KATNIP: variants seen among roughly 807,000 people sequenced by gnomAD.
KATNIP encodes katanin-interacting protein.
A neutral mutation model predicts 174.0 loss-of-function variants in KATNIP; 126 were observed. The ratio of observed to expected loss-of-function variants is 0.72; its 90% CI spans 0.63 to 0.84. The LOEUF is 0.84. Ranked by LOEUF, KATNIP falls within the 40% of genes least tolerant of loss-of-function variation. KATNIP has a pLI of 0.00. For missense variants in KATNIP, 1,958 were observed against 2,109.7 expected (o/e 0.93, Z 1.41); for synonymous variants, 810 against 835.7 (o/e 0.97, Z 0.53).
At chr16:27,598,048 C>T (rs113243136) in intron 2 of KATNIP, among the ~76,000 whole-genome samples, 2 of 152,158 alleles carry the variant, frequency 1.3e-5, no homozygotes, top group South Asian at 2.1e-4. Context: ...GGCAACATGA[C>T]GAAAGCCCGT....
intron 12 of KATNIP, among the ~76,000 whole-genome samples, chr16:27,707,488 C>A (rs1174636585): frequency 6.6e-6 from 1 of 152,264 alleles, no homozygotes; most frequent in East Asian, 1.9e-4. Context: ...CATGATAGGG[C>A]CTTCTTAGGT....
At chr16:27,709,036 T>TG in intron 13 of KATNIP, 116 bp downstream of exon 13, 1 of 809,004 alleles carries the variant, frequency 1.2e-6, no homozygotes, top group Middle Eastern at 3.7e-4. Flanking sequence ...CAACAAAATC[T>TG]GGCCAGGTAC....
chr16:27,709,788 C>T (rs1426558750), intron 13 of KATNIP, among the ~76,000 whole-genome samples: 1 of 152,146 alleles, frequency 6.6e-6, no homozygotes, highest in Non-Finnish European at 1.5e-5. Flanking sequence ...CTTGGGGGAG[C>T]CAATTCACCT....
At chr16:27,556,215 G>A (rs1182294135) in intron 1 of KATNIP, among the ~76,000 whole-genome samples, 1 of 152,136 alleles carries the variant, frequency 6.6e-6, no homozygotes, top group African/African-American at 2.4e-5. Context: ...ACAGAAGAGG[G>A]AAGCGTGCTG....
rs1205070778 is a variant in KATNIP, at chr16:27,702,530, G to A, written c.1286+835G>A. 2.0e-5 allele frequency among the ~76,000 whole-genome samples: 3 copies of A among 152,206 alleles called. No individual in the cohort carries two copies. In the East Asian group the frequency reaches 5.8e-4, roughly 29 times the overall value. On this transcript the variant is annotated intron_variant, in intron 11 of 27. Coordinates refer to ENST00000261588, the MANE Select transcript of KATNIP (RefSeq NM_015202.5). ...ACACAGACACACTCTGAGGGCCACTGCACAGCTGTGCATGTTGTGCACTGT... is the reference window on the plus strand; with the variant it reads ...ACACAGACACACTCTGAGGGCCACTACACAGCTGTGCATGTTGTGCACTGT...
intron 3 of KATNIP, among the ~76,000 whole-genome samples, chr16:27,623,536 T>C (rs1054507017): frequency 5.3e-5 from 8 of 152,166 alleles, no homozygotes; most frequent in African/African-American, 1.9e-4. Flanking sequence ...CATAGCTCAC[T>C]GCACTCTCCA....
intron 8 of KATNIP, among the ~76,000 whole-genome samples, chr16:27,694,773 A>G (rs972521295): frequency 6.6e-5 from 10 of 151,436 alleles, no homozygotes; most frequent in Non-Finnish European, 1.5e-5. Context: ...TCCAGCCTGG[A>G]CAAGGGAGAC....
At position 27,721,702 on chromosome 16, in the gene KATNIP, A is replaced by C. The variant is rs1261252886; in HGVS notation, c.1743+7A>C. On this transcript the variant is annotated splice_region_variant and intron_variant, in intron 14 of 27. Transcript: ENST00000261588. ...TTACTGGACAGCTGATGGCGTAAGT[A>C]ACAGGCGCTGGTTCCCCACTGGGCA... The C allele has an allele frequency of 1.2e-6, 2 of 1,613,280 alleles. No homozygotes were observed. The highest frequency in any genetic ancestry group is 1.7e-6 in the Non-Finnish European group (2 of 1,179,690).
At chr16:27,633,019 G>A (rs1224869216) in intron 5 of KATNIP, among the ~76,000 whole-genome samples, 2 of 152,044 alleles carry the variant, frequency 1.3e-5, no homozygotes, top group Non-Finnish European at 2.9e-5. Context: ...CAAAGTGCTG[G>A]GATTACAGGC....
Position 27,740,909 on chromosome 16 carries a change from C to T in KATNIP, c.2612C>T (p.Pro871Leu). 6.3e-7 allele frequency: 1 copy of T among 1,594,364 alleles called. No individual in the cohort carries two copies. Among genetic ancestry groups the T allele is most frequent in the South Asian group, 1.1e-5 (1 of 87,962 alleles). The change falls in exon 15 of 28, where the codon CCA becomes CTA. Residue 871 changes from proline to leucine, a missense_variant. Physicochemically the swap from Pro to Leu is moderately conservative, Grantham distance 98 (BLOSUM62 -3). This residue lies in a region of KATNIP where 1,557 missense variants were observed against 1,617.8 expected (regional missense o/e 0.96). Coordinates refer to ENST00000261588, the MANE Select transcript of KATNIP (RefSeq NM_015202.5). Reference protein sequence around the residue: ...AGSSSHGDDQPASREDTWSSR... With the variant: ...AGSSSHGDDQLASREDTWSSR... The stretch of plus-strand genomic sequence containing the variant: ...AGCAGTAGTCATGGGGACGACCAGC[C>T]AGCCAGCAGAGGTAAGCTCCAAAGA...
At chr16:27,696,110 A>G (rs749309981) in intron 8 of KATNIP, among the ~76,000 whole-genome samples, 1 of 152,178 alleles carries the variant, frequency 6.6e-6, no homozygotes, top group Non-Finnish European at 1.5e-5. Context: ...CCATCTTTCC[A>G]TTCATGGGAA....
At chr16:27,732,881 G>A (rs147447079) in intron 14 of KATNIP, among the ~76,000 whole-genome samples, 58 of 152,354 alleles carry the variant, frequency 3.8e-4, no homozygotes, top group African/African-American at 1.3e-3. Context: ...GCTCTGCAGA[G>A]GTGCCAGTAA....
intron 19 of KATNIP, among the ~76,000 whole-genome samples, chr16:27,764,340 G>A (rs1166611361): frequency 6.6e-6 from 1 of 152,206 alleles, no homozygotes; most frequent in Non-Finnish European, 1.5e-5. Context: ...ATACAGTACT[G>A]CATTTGAAGA....
intron 1 of KATNIP, among the ~76,000 whole-genome samples, chr16:27,561,629 T>C (rs749017648): frequency 2.6e-5 from 4 of 152,188 alleles, no homozygotes; most frequent in Non-Finnish European, 4.4e-5. Context: ...GCTACAGATA[T>C]CTGGTTACCT....
At chr16:27,728,140 TG>T (rs1416697944) in intron 14 of KATNIP, among the ~76,000 whole-genome samples, 7 of 152,256 alleles carry the variant, frequency 4.6e-5, no homozygotes, top group Admixed American at 3.9e-4. Flanking sequence ...CTGGGCGCTG[TG>T]GGGGCCCGGG....
At chr16:27,586,836 A>C (rs2090915920) in intron 2 of KATNIP, among the ~76,000 whole-genome samples, 2 of 151,516 alleles carry the variant, frequency 1.3e-5, no homozygotes, top group South Asian at 4.1e-4. Context: ...CTCAAAAAAA[A>C]AAAAACAAAA....
At chr16:27,760,868 C>G (rs568404822) in intron 18 of KATNIP, among the ~76,000 whole-genome samples, 2 of 152,238 alleles carry the variant, frequency 1.3e-5, no homozygotes, top group Admixed American at 1.3e-4. Flanking sequence ...TCAAAGAACT[C>G]AGGAGGGCTT....
intron 2 of KATNIP, among the ~76,000 whole-genome samples, chr16:27,610,637 A>G (rs2075864552): frequency 6.6e-6 from 1 of 152,130 alleles, no homozygotes; most frequent in Non-Finnish European, 1.5e-5. Flanking sequence ...AGGGGGCACA[A>G]TTCACACGCA....
At chr16:27,599,317 T>TG (rs2075439833) in intron 2 of KATNIP, among the ~76,000 whole-genome samples, 2 of 152,108 alleles carry the variant, frequency 1.3e-5, no homozygotes, top group African/African-American at 4.8e-5. Context: ...GGCAAGGCAA[T>TG]GACCTTGCAA....
Sources: gnomAD v4.1 joint callset for allele counts (sites outside exome capture counted in the v4.1 genomes callset) on GRCh38, gnomAD v4.1.1 for gene constraint, gnomAD v4.1.1 regional missense constraint, MANE v1.5 for transcripts, NCBI Gene and HGNC (gene_info 2026-07-23, HGNC 2026-07-21) for gene names.